Variants in POLR2F observed in about 807,000 individuals in gnomAD.
The protein encoded by POLR2F is RNA polymerase II, I and III subunit F.
Under a neutral mutation model 22.7 loss-of-function variants are expected in POLR2F, and 12 were observed. The ratio of observed to expected loss-of-function variants is 0.53; its 90% CI spans 0.34 to 0.86. The LOEUF is 0.86. Among genes scored for constraint, POLR2F ranks in the 40% least tolerant of loss-of-function variants. POLR2F has a pLI of 0.02. For synonymous variants in POLR2F, 57 were observed against 66.0 expected, an observed-to-expected ratio of 0.86 and a Z score of 0.66; for missense variants, 126 against 171.5, an observed-to-expected ratio of 0.73 and a Z score of 1.48.
At chr22:38,013,348 G>A (rs2084888944) in intron 1 of POLR2F, among the ~76,000 whole-genome samples, 1 of 152,060 alleles carries the variant, frequency 6.6e-6, no homozygotes, top group Non-Finnish European at 1.5e-5. Flanking sequence ...GTTTCATCAT[G>A]TTGGCCAGGC....
Position 37,967,684 on chromosome 22 carries a change from G to A in POLR2F, c.353G>A (p.Trp118Ter). 1 of 1,613,346 alleles carries A rather than the reference G, an allele frequency of 6.2e-7. No homozygotes were observed. The highest frequency in any genetic ancestry group is 8.5e-7 in the Non-Finnish European group (1 of 1,179,670). Residue 118 changes from tryptophan (W) to a stop codon, truncating the protein, a stop_gained, in exon 5 of 5, where the codon TGG becomes TAG. Coordinates refer to ENST00000442738, the MANE Select transcript of POLR2F (RefSeq NM_021974.5). LOFTEE classifies it high-confidence loss of function. ...CTGCCAGATGGGAGCTATGAAGACTGGGGGGTGGACGAGCTCATCATCACC... is the reference window on the plus strand; with the variant it reads ...CTGCCAGATGGGAGCTATGAAGACTAGGGGGTGGACGAGCTCATCATCACC... ...RYLPDGSYED[W>*]GVDELIITD
intron 1 of POLR2F, 149 bp downstream of exon 1, chr22:37,953,956 G>T (rs1434126533): frequency 1.1e-5 from 10 of 948,066 alleles, no homozygotes; most frequent in African/African-American, 1.6e-5. Context: ...GAAGGGAAGG[G>T]CGGGCGACCC....
At chr22:38,026,213 G>T (rs2085008432) in intron 2 of POLR2F, 1 of 532,692 alleles carries the variant, frequency 1.9e-6, no homozygotes, top group Admixed American at 1.9e-5. Context: ...GAGCACTGAA[G>T]CCCTGAATAG....
Position 37,967,793 on chromosome 22 carries a change from A to G in POLR2F, c.*78A>G. On this transcript the variant is annotated 3_prime_UTR_variant, in exon 5 of 5. Transcript: ENST00000442738. ...ATATGTGTAAATAATAAAATATTCAACTTTCCAACCCCCTTCCCCTCTGCT... is the reference window on the plus strand; with the variant it reads ...ATATGTGTAAATAATAAAATATTCAGCTTTCCAACCCCCTTCCCCTCTGCT... 2.6e-6 allele frequency: 4 copies of G among 1,528,888 alleles called. No individual in the cohort carries two copies. The highest frequency in any genetic ancestry group is 3.5e-6 in the Non-Finnish European group (4 of 1,140,648). 94.7% of individuals were successfully genotyped at this position (1,528,888 alleles called of 1,614,324 possible). A position where few individuals can be genotyped will look rare whatever the true frequency, so the allele number is the denominator to read the frequency against.
chr22:37,996,719 T>C (rs1255407865), intron 1 of POLR2F, among the ~76,000 whole-genome samples: 2 of 152,272 alleles, frequency 1.3e-5, no homozygotes, highest in East Asian at 3.9e-4. Context: ...TGACCTTGGG[T>C]GGGGCACAGC....
At position 38,034,751 on chromosome 22, in the gene POLR2F, G is replaced by A. The variant is rs959044939; in HGVS notation, c.453-6317G>A. 5.3e-5 allele frequency among the ~76,000 whole-genome samples: 8 copies of A among 152,296 alleles called. No homozygotes were observed. In the East Asian group the frequency reaches 7.7e-4, roughly 15 times the overall value. ...GGAGGGGGTTGTGCCTGCGCAGCTCGGAACAATGAGTCAGAAGCAGCCAGC... is the reference window on the plus strand; with the variant it reads ...GGAGGGGGTTGTGCCTGCGCAGCTCAGAACAATGAGTCAGAAGCAGCCAGC... On this transcript the variant is annotated intron_variant, in intron 5 of 5. Transcript: ENST00000407936.
At chr22:37,965,651 T>C (rs1171001487) in intron 3 of POLR2F, among the ~76,000 whole-genome samples, 1 of 152,240 alleles carries the variant, frequency 6.6e-6, no homozygotes, top group African/African-American at 2.4e-5. Context: ...AAATACTTCA[T>C]CTCTGCCCTT....
At chr22:38,004,944 C>T (rs560872704) in intron 1 of POLR2F, among the ~76,000 whole-genome samples, 2 of 147,478 alleles carry the variant, frequency 1.4e-5, no homozygotes, top group African/African-American at 2.5e-5. Flanking sequence ...AACTCCGTCT[C>T]AAAAAACAAA....
chr22:37,972,863 T>C (rs1470182276), downstream of POLR2F: 1 of 153,364 alleles, frequency 6.5e-6, no homozygotes, highest in East Asian at 1.9e-4. Context: ...TGGCACAGAA[T>C]TGGATCAGGG....
rs2084914805 is a variant in POLR2F, at chr22:38,016,298, A to G, written c.121-9571A>G. ...TTCAGAAGGCCTCCTCCAATGAGGC[A>G]TTACTCTGGACAAAGCCCCGGCCCA... On this transcript the variant is annotated intron_variant, in intron 1 of 2. Coordinates refer to the POLR2F transcript ENST00000333418. This position sits in a 1 kb window ranked among gnomAD's most constrained non-coding sequence, Gnocchi z 4.4. Among the ~76,000 whole-genome samples the G allele has an allele frequency of 6.6e-6, 1 of 152,154 alleles. No homozygotes were observed. Among genetic ancestry groups the G allele is most frequent in the Non-Finnish European group, 1.5e-5 (1 of 68,032 alleles).
chr22:38,026,158 A>G (rs775498873), intron 2 of POLR2F: 1 of 533,282 alleles, frequency 1.9e-6, no homozygotes, highest in Non-Finnish European at 3.8e-6. Context: ...GTAGGCGGGC[A>G]CCAGGTTGGG....
At chr22:38,035,906 A>C (rs191677067) in intron 5 of POLR2F, among the ~76,000 whole-genome samples, 84 of 151,770 alleles carry the variant, frequency 5.5e-4, no homozygotes, top group African/African-American at 2.0e-3. Flanking sequence ...GGTTTTACTG[A>C]TGAGGAAACT....
rs1458298040 is a variant in POLR2F, at chr22:38,016,729, C to T, written c.121-9140C>T. Among the ~76,000 whole-genome samples, 4 of 133,056 alleles carry T rather than the reference C, an allele frequency of 3.0e-5. No individual in the cohort carries two copies. The highest frequency in any genetic ancestry group is 7.5e-5 in the Admixed American group (1 of 13,410). The allele number at this position is 133,056 out of a possible 152,430, so 87.3% of individuals were successfully genotyped here. On this transcript the variant is annotated intron_variant, in intron 1 of 2. Transcript: ENST00000333418. The surrounding 1 kb of genome is among the most constrained non-coding windows in gnomAD (Gnocchi z 4.4). ...GGGTGGAAAGAGTGCTGGCACGCAC[C>T]GCGGGGGGAGGGGGCGGGAGGGGGC...
chr22:37,959,084 A>G (rs553035386), intron 2 of POLR2F, among the ~76,000 whole-genome samples: 1 of 152,254 alleles, frequency 6.6e-6, no homozygotes, highest in Non-Finnish European at 1.5e-5. Flanking sequence ...TTAGCTCTGG[A>G]ATCTCAGACC....
At chr22:37,985,430 T>C (rs1932541313), upstream of POLR2F, among the ~76,000 whole-genome samples, 1 of 151,868 alleles carries the variant, frequency 6.6e-6, no homozygotes, top group African/African-American at 2.4e-5. Context: ...TGCCCACCTC[T>C]CCCTCCCTCC....
rs989065675 is a variant in POLR2F at position 37,986,756 on chromosome 22, G to T, written c.120+444G>T. ...CCAGTGCTGTGTGTGTGTGGTTGGGGCCCCTGCTGCGAACACATCCCTGCC... is the reference window on the plus strand; with the variant it reads ...CCAGTGCTGTGTGTGTGTGGTTGGGTCCCCTGCTGCGAACACATCCCTGCC... On this transcript the variant is annotated intron_variant, in intron 1 of 2. Transcript: ENST00000333418. This position sits in a 1 kb window ranked among gnomAD's most constrained non-coding sequence, Gnocchi z 4.7. The T allele has an allele frequency of 8.4e-6, 4 of 473,416 alleles. No homozygotes were observed. The highest frequency in any genetic ancestry group is 7.9e-5 in the African/African-American group (4 of 50,790). 29.3% of individuals were successfully genotyped at this position (473,416 alleles called of 1,614,324 possible). A position where few individuals can be genotyped will look rare whatever the true frequency, so the allele number is the denominator to read the frequency against.
chr22:37,959,505 C>G (rs1194274801), intron 3 of POLR2F, 29 bp downstream of exon 3: 8 of 1,610,420 alleles, frequency 5.0e-6, no homozygotes, highest in Non-Finnish European at 6.8e-6. Context: ...ACTGTCTTCT[C>G]CATCTGTCAG....
At chr22:37,973,473 G>A (rs751989851), downstream of POLR2F, 11 of 1,464,220 alleles carry the variant, frequency 7.5e-6, no homozygotes, top group South Asian at 1.2e-5. Flanking sequence ...CTGGGCGGGG[G>A]GTGGTGGCGA....
At chr22:38,011,177 C>G (rs1241679328) in intron 1 of POLR2F, among the ~76,000 whole-genome samples, 2 of 152,166 alleles carry the variant, frequency 1.3e-5, no homozygotes, top group African/African-American at 4.8e-5. Context: ...TCACAGCTCA[C>G]TACAGCCTCC....
Sources: gnomAD v4.1 joint callset for allele counts (sites outside exome capture counted in the v4.1 genomes callset) on GRCh38, gnomAD v4.1.1 for gene constraint, Gnocchi (gnomAD v3.1) non-coding constraint, MANE v1.5 for transcripts, NCBI Gene and HGNC (gene_info 2026-07-23, HGNC 2026-07-21) for gene names.